Variants in MTMR12 observed in about 807,000 individuals in gnomAD.
The protein encoded by MTMR12 is myotubularin-related protein 12.
Under a neutral mutation model 96.7 loss-of-function variants are expected in MTMR12, and 33 were observed. That is an observed-to-expected ratio of 0.34 (90% confidence interval 0.26 to 0.46). MTMR12 has a LOEUF of 0.46. MTMR12 is among the 20% of genes least tolerant of loss of function. The pLI is 1.00. For synonymous variants in MTMR12, 298 were observed against 327.2 expected (o/e 0.91, Z 0.96); for missense variants, 721 against 896.1 (o/e 0.80, Z 2.49).
chr5:32,282,936 C>T (rs999756715), intron 1 of MTMR12, among the ~76,000 whole-genome samples: 1 of 152,116 alleles, frequency 6.6e-6, no homozygotes, highest in African/African-American at 2.4e-5. Flanking sequence ...ACGGATTTAC[C>T]ATTCTTTGCT....
intron 4 of MTMR12, among the ~76,000 whole-genome samples, chr5:32,271,297 C>T (rs998764991): frequency 6.6e-5 from 10 of 152,174 alleles, no homozygotes; most frequent in Non-Finnish European, 2.9e-5. Context: ...CAGTCAACTC[C>T]TGGGTTTACA....
chr5:32,256,102 A>G (rs979175270), intron 7 of MTMR12, among the ~76,000 whole-genome samples: 58 of 152,144 alleles, frequency 3.8e-4, no homozygotes, highest in Non-Finnish European at 8.8e-5. Flanking sequence ...TGAAATTGGG[A>G]GTATTGTTCT....
intron 1 of MTMR12, among the ~76,000 whole-genome samples, chr5:32,303,629 G>A (rs1751231219): frequency 6.6e-6 from 1 of 152,108 alleles, no homozygotes; most frequent in Non-Finnish European, 1.5e-5. Context: ...GCTAGGCTGA[G>A]ACAACTTTGG....
chr5:32,286,953 A>G (rs1750563137), intron 1 of MTMR12, among the ~76,000 whole-genome samples: 1 of 152,172 alleles, frequency 6.6e-6, no homozygotes, highest in African/African-American at 2.4e-5. Flanking sequence ...CACAACACAC[A>G]GCACCTAAGT....
intron 6 of MTMR12, among the ~76,000 whole-genome samples, chr5:32,265,634 A>G (rs1749559627): frequency 6.6e-6 from 1 of 152,250 alleles, no homozygotes; most frequent in African/African-American, 2.4e-5. Context: ...AAAATCTGTC[A>G]TTCACAAAGA....
At chr5:32,247,279 G>A (rs534140063) in intron 10 of MTMR12, among the ~76,000 whole-genome samples, 9 of 152,268 alleles carry the variant, frequency 5.9e-5, no homozygotes, top group African/African-American at 2.2e-4. Flanking sequence ...GAGCCTGGGA[G>A]TTTTAAGGTT....
At chr5:32,252,035 G>C (rs758469294) in intron 8 of MTMR12, among the ~76,000 whole-genome samples, 3 of 152,216 alleles carry the variant, frequency 2.0e-5, no homozygotes, top group Admixed American at 6.5e-5. Context: ...AGCATCACCA[G>C]TGGTTTTCAC....
At chr5:32,279,811 A>T (rs1002104300) in intron 1 of MTMR12, among the ~76,000 whole-genome samples, 2 of 152,198 alleles carry the variant, frequency 1.3e-5, no homozygotes, top group African/African-American at 2.4e-5. Context: ...TGCAACCTGG[A>T]TCTCTTGCAT....
intron 1 of MTMR12, among the ~76,000 whole-genome samples, chr5:32,311,544 A>C (rs995452058): frequency 1.2e-4 from 19 of 152,226 alleles, no homozygotes; most frequent in African/African-American, 4.6e-4. Context: ...AGACATCTGC[A>C]ACAAATTTGG....
chr5:32,302,977 A>T (rs1423732101), intron 1 of MTMR12, among the ~76,000 whole-genome samples: 3 of 152,224 alleles, frequency 2.0e-5, no homozygotes, highest in Non-Finnish European at 1.5e-5. Context: ...CAACATGGCA[A>T]CAATCACAAC....
intron 7 of MTMR12, among the ~76,000 whole-genome samples, chr5:32,260,874 T>A (rs778988456): frequency 2.6e-5 from 4 of 151,714 alleles, no homozygotes; most frequent in Non-Finnish European, 4.4e-5. Context: ...AGCAGGGTGT[T>A]AGGGAGTATG....
intron 1 of MTMR12, among the ~76,000 whole-genome samples, chr5:32,304,115 A>T (rs1443391144): frequency 1.3e-5 from 2 of 152,164 alleles, no homozygotes; most frequent in East Asian, 3.9e-4. Flanking sequence ...AGGTCAGGAG[A>T]TCAAGACCAT....
intron 13 of MTMR12, among the ~76,000 whole-genome samples, chr5:32,237,735 C>T (rs1430187023): frequency 6.6e-6 from 1 of 152,020 alleles, no homozygotes; most frequent in Non-Finnish European, 1.5e-5. Flanking sequence ...TGGTGTCGAC[C>T]TCCTGACCTT....
intron 1 of MTMR12, among the ~76,000 whole-genome samples, chr5:32,295,282 C>T (rs1466354794): frequency 6.6e-6 from 1 of 152,234 alleles, no homozygotes; most frequent in African/African-American, 2.4e-5. Context: ...GCAACAATTA[C>T]TCTGACAACA....
chr5:32,236,410 G>C (rs1748230640), intron 13 of MTMR12, among the ~76,000 whole-genome samples: 1 of 152,090 alleles, frequency 6.6e-6, no homozygotes, highest in African/African-American at 2.4e-5. Flanking sequence ...AGCTAGGCAT[G>C]GTAGTGTACA....
At chr5:32,294,860 T>C (rs1246283962) in intron 1 of MTMR12, among the ~76,000 whole-genome samples, 1 of 152,196 alleles carries the variant, frequency 6.6e-6, no homozygotes, top group African/African-American at 2.4e-5. Flanking sequence ...ATTAACAAAA[T>C]TGCTCTATTA....
rs779455702 is a variant in MTMR12 at position 32,276,873 on chromosome 5, CTTTTTTTTTTTTTTTTTTTT to C, written c.82-151_82-132del. ...AGCTTTTCGTTTATGTTACAAGCTA[CTTTTTTTTTTTTTTTTTTTT>C]TTTTTTTTTTTGAGATGGAGTCTCA... On this transcript the variant is annotated intron_variant, in intron 1 of 15. Coordinates refer to ENST00000382142, the MANE Select transcript of MTMR12 (RefSeq NM_001040446.3). The C allele has an allele frequency of 1.1e-4, 14 of 123,740 alleles. 1 individual carries two copies. Among genetic ancestry groups the C allele is most frequent in the East Asian group, 7.1e-4 (2 of 2,810 alleles). The allele number at this position is 123,740 out of a possible 1,614,324, so 7.7% of individuals were successfully genotyped here. A position where few individuals can be genotyped will look rare whatever the true frequency, so the allele number is the denominator to read the frequency against.
chr5:32,282,326 C>A lies in MTMR12; in HGVS notation c.82-5584G>T, dbSNP rs528116400. Among the ~76,000 whole-genome samples the A allele has an allele frequency of 3.8e-3, 579 of 152,100 alleles. 8 individuals carry two copies. The highest frequency in any genetic ancestry group is 5.4e-3 in the Non-Finnish European group (367 of 68,000). On this transcript the variant is annotated intron_variant, in intron 1 of 15. Coordinates refer to ENST00000382142, the MANE Select transcript of MTMR12 (RefSeq NM_001040446.3). ...AGTCCAGCTACTCTGGAGGCTGAGGCAGGAGAATGGCGTGAGCCCGGGAGG... is the reference window on the plus strand; with the variant it reads ...AGTCCAGCTACTCTGGAGGCTGAGGAAGGAGAATGGCGTGAGCCCGGGAGG...
intron 15 of MTMR12, among the ~76,000 whole-genome samples, chr5:32,230,551 A>AC (rs1455122309): frequency 6.6e-6 from 1 of 152,172 alleles, no homozygotes; most frequent in Admixed American, 6.5e-5. Context: ...ACTGTACCAG[A>AC]AACAAATGGG....
Sources: allele counts gnomAD v4.1 joint callset (sites outside exome capture counted in the v4.1 genomes callset), GRCh38; gene constraint gnomAD v4.1.1; transcripts MANE v1.5; gene names NCBI Gene and HGNC (gene_info 2026-07-23, HGNC 2026-07-21).